OR5P3: variants seen among roughly 807,000 people sequenced by gnomAD.
OR5P3 encodes olfactory receptor family 5 subfamily P member 3.
For synonymous variants in OR5P3, 172 were observed against 141.8 expected, an observed-to-expected ratio of 1.21 and a Z score of -1.51; for missense variants, 415 against 375.6, an observed-to-expected ratio of 1.10 and a Z score of -0.87.
rs1857728744 is a variant in OR5P3, at chr11:7,825,617, G to A, written c.356C>T (p.Ala119Val). 6.2e-7 allele frequency: 1 copy of A among 1,612,946 alleles called. No individual in the cohort carries two copies. The highest frequency in any genetic ancestry group is 8.5e-7 in the Non-Finnish European group (1 of 1,180,030). The change falls in exon 2 of 2, where the codon GCC becomes GTC. Residue 119 changes from alanine (A) to valine (V), a missense_variant. Physicochemically the swap from Ala to Val is moderately conservative, Grantham distance 64 (BLOSUM62 0). Coordinates refer to ENST00000641167, the MANE Select transcript of OR5P3 (RefSeq NM_153445.2). ...GCAGATGGCCACATAGCGATCATAG[G>A]CCATGGCAGCCAGCAGGAAGCACTC... The part of the protein sequence containing the change: ...TAECFLLAAM[A>V]YDRYVAICSP...
intron 1 of OR5P3, among the ~76,000 whole-genome samples, chr11:7,829,766 AAAGAG>A (rs1339040044): frequency 2.6e-5 from 4 of 152,210 alleles, no homozygotes; most frequent in Non-Finnish European, 4.4e-5. Context: ...AATTAAGAAA[AAAGAG>A]AAGCAAAAGT....
intron 1 of OR5P3, among the ~76,000 whole-genome samples, chr11:7,827,986 G>A (rs1424204307): frequency 6.6e-6 from 1 of 152,134 alleles, no homozygotes; most frequent in African/African-American, 2.4e-5. Flanking sequence ...GACTGCAAAT[G>A]CATAAGGAGA....
chr11:7,827,369 A>G (rs1012163244), intron 1 of OR5P3, among the ~76,000 whole-genome samples: 4 of 152,212 alleles, frequency 2.6e-5, no homozygotes, highest in African/African-American at 4.8e-5. Context: ...TCTTTGAGGC[A>G]GGTGATAGTC....
At chr11:7,829,938 A>T (rs1045453843) in intron 1 of OR5P3, among the ~76,000 whole-genome samples, 2 of 152,172 alleles carry the variant, frequency 1.3e-5, no homozygotes, top group Non-Finnish European at 1.5e-5. Context: ...TATCAATGAT[A>T]TCTTCTTCTA....
chr11:7,829,734 A>G (rs1474199351), intron 1 of OR5P3, among the ~76,000 whole-genome samples: 1 of 152,198 alleles, frequency 6.6e-6, no homozygotes, highest in Non-Finnish European at 1.5e-5. Context: ...TATCTTAAGT[A>G]TCCAATTGAT....
rs768412010 is a variant in OR5P3, at chr11:7,825,561, G to A, written c.412C>T (p.Pro138Ser). The A allele has an allele frequency of 5.0e-6, 8 of 1,613,108 alleles. No homozygotes were observed. Among genetic ancestry groups the A allele is most frequent in the Middle Eastern group, 1.6e-4 (1 of 6,062 alleles). The change falls in exon 2 of 2, where the codon CCT (proline) becomes TCT (serine). Residue 138 changes from proline to serine, a missense_variant. Coordinates refer to ENST00000641167, the MANE Select transcript of OR5P3 (RefSeq NM_153445.2). ...SPLLYSTCMS[P>S]GVCIILVGMS... ...CCCACTAAGATGATGCAGACTCCAGGGGACATGCAGGTAGAGTAGAGCAGG... is the reference window on the plus strand; with the variant it reads ...CCCACTAAGATGATGCAGACTCCAGAGGACATGCAGGTAGAGTAGAGCAGG...
At chr11:7,829,382 TTTATC>T (rs1316322310) in intron 1 of OR5P3, among the ~76,000 whole-genome samples, 1 of 118,474 alleles carries the variant, frequency 8.4e-6, no homozygotes. Flanking sequence ...GAAATTAACT[TTTATC>T]TTATTTTTTT....
rs376645020 is a variant in OR5P3 at position 7,825,670 on chromosome 11, G to C, written c.303C>G (p.Leu101=). 1.2e-6 allele frequency: 2 copies of C among 1,613,138 alleles called. No homozygotes were observed. Among genetic ancestry groups the C allele is most frequent in the Non-Finnish European group, 1.7e-6 (2 of 1,180,028 alleles). The change falls in exon 2 of 2, where the codon CTC becomes CTG. Residue 101 remains leucine, a synonymous_variant. Coordinates refer to ENST00000641167, the MANE Select transcript of OR5P3 (RefSeq NM_153445.2). ...SLPVAGCVAQ[L]CSVVTFGTAE... The stretch of plus-strand genomic sequence containing the variant: ...CCGTACCAAACGTCACTACAGAACA[G>C]AGCTGGGCCACACAACCAGCAACAG...
At chr11:7,828,262 A>G (rs1301306492) in intron 1 of OR5P3, among the ~76,000 whole-genome samples, 1 of 152,182 alleles carries the variant, frequency 6.6e-6, no homozygotes, top group African/African-American at 2.4e-5. Flanking sequence ...TACTGAGGAC[A>G]TAAGAAATTT....
At chr11:7,828,093 G>A (rs1220035911) in intron 1 of OR5P3, among the ~76,000 whole-genome samples, 1 of 152,102 alleles carries the variant, frequency 6.6e-6, no homozygotes, top group African/African-American at 2.4e-5. Context: ...GCAGCAACAA[G>A]GGAAATGGAA....
chr11:7,825,776 A>G lies in OR5P3; in HGVS notation c.197T>C (p.Leu66Ser), dbSNP rs777837463. 3 of 1,613,318 alleles carry G rather than the reference A, an allele frequency of 1.9e-6. No individual in the cohort carries two copies. The South Asian group carries it at 3.3e-5, about 18-fold the overall frequency. ...GGAGTACCCAATGTCTACAAAGGCC[A>G]AATGGCAGAGGAAAATGTACATGGG... ...HTPMYIFLCH[L>S]AFVDIGYSSS... The change falls in exon 2 of 2, where the codon TTG becomes TCG. Residue 66 changes from leucine (L) to serine (S), a missense_variant. Physicochemically the swap from Leu to Ser is moderately radical, Grantham distance 145. Coordinates refer to ENST00000641167, the MANE Select transcript of OR5P3 (RefSeq NM_153445.2).
intron 1 of OR5P3, among the ~76,000 whole-genome samples, chr11:7,828,019 A>G (rs1857764113): frequency 6.6e-6 from 1 of 152,196 alleles, no homozygotes. Flanking sequence ...TGGTTAGTAT[A>G]GTCTGATGAC....
At chr11:7,827,388 T>G (rs1857756472) in intron 1 of OR5P3, among the ~76,000 whole-genome samples, 1 of 152,188 alleles carries the variant, frequency 6.6e-6, no homozygotes, top group South Asian at 2.1e-4. Flanking sequence ...TCTCCTTCAG[T>G]GCCCAGCACC....
chr11:7,828,263 T>C (rs1182950721), intron 1 of OR5P3, among the ~76,000 whole-genome samples: 1 of 152,070 alleles, frequency 6.6e-6, no homozygotes, highest in Non-Finnish European at 1.5e-5. Flanking sequence ...ACTGAGGACA[T>C]AAGAAATTTT....
chr11:7,825,431 T>C lies in OR5P3; in HGVS notation c.542A>G (p.Tyr181Cys), dbSNP rs140636199. Residue 181 changes from tyrosine (Y) to cysteine (C), a missense_variant, in exon 2 of 2, where the codon TAT (tyrosine) becomes TGT (cysteine). Physicochemically the swap from Tyr to Cys is radical, Grantham distance 194 (BLOSUM62 -2). Coordinates refer to ENST00000641167, the MANE Select transcript of OR5P3 (RefSeq NM_153445.2). ...ACAAGCAAGCTTCAAAAGTGGTGAA[T>C]AGTCACAGAAAAAGTGATTGACTTT... ...PNKVNHFFCD[Y>C]SPLLKLACSH... is the part of the protein sequence containing the mutation. The C allele has an allele frequency of 2.5e-6, 4 of 1,613,104 alleles. No homozygotes were observed. The highest frequency in any genetic ancestry group is 3.4e-6 in the Non-Finnish European group (4 of 1,180,044).
rs369132487 is a variant in OR5P3, at chr11:7,825,688, A to G, written c.285T>C (p.Ala95=). The G allele has an allele frequency of 1.6e-4, 256 of 1,613,088 alleles. 1 individual carries two copies. The highest frequency in any genetic ancestry group is 2.0e-4 in the Non-Finnish European group (241 of 1,180,044). ...FLRKETSLPV[A]GCVAQLCSVV... is the part of the protein sequence containing the mutation. ...CAGAACAGAGCTGGGCCACACAACC[A>G]GCAACAGGGAGAGAGGTTTCTTTCC... is the stretch of plus-strand genomic sequence containing the variant. Residue 95 remains alanine, a synonymous_variant, in exon 2 of 2, where the codon GCT becomes GCC. Transcript: ENST00000641167.
intron 1 of OR5P3, among the ~76,000 whole-genome samples, chr11:7,827,190 C>T (rs890246449): frequency 2.0e-5 from 3 of 152,096 alleles, no homozygotes; most frequent in African/African-American, 7.2e-5. Context: ...TACATCTTTT[C>T]TATGATTTCT....
At chr11:7,828,155 T>C (rs973939342) in intron 1 of OR5P3, among the ~76,000 whole-genome samples, 15 of 152,118 alleles carry the variant, frequency 9.9e-5, no homozygotes, top group African/African-American at 3.6e-4. Flanking sequence ...AAAAAAAAGT[T>C]CATCATTTGA....
At position 7,825,245 on chromosome 11, in the gene OR5P3, G is replaced by C; in HGVS notation, c.728C>G (p.Ser243Cys). 6.2e-7 allele frequency: 1 copy of C among 1,613,086 alleles called. No individual in the cohort carries two copies. The highest frequency in any genetic ancestry group is 1.1e-5 in the South Asian group (1 of 91,080). ...GRHKAFSTCT[S>C]HLTAVTLFYG... ...GAACAGAGTGACTGCAGTGAGGTGG[G>C]AGGTGCAGGTGGAGAAGGCCTTGTG... Residue 243 changes from serine to cysteine, a missense_variant, in exon 2 of 2, where the codon TCC becomes TGC. Coordinates refer to ENST00000641167, the MANE Select transcript of OR5P3 (RefSeq NM_153445.2).
Sources: allele counts gnomAD v4.1 joint callset (sites outside exome capture counted in the v4.1 genomes callset), GRCh38; gene constraint gnomAD v4.1.1; transcripts MANE v1.5; gene names NCBI Gene and HGNC (gene_info 2026-07-23, HGNC 2026-07-21).